RNF123: variants seen among roughly 807,000 people sequenced by gnomAD.
RNF123 encodes the protein E3 ubiquitin-protein ligase RNF123.
In RNF123, 86 loss-of-function variants were observed where a neutral mutation model predicts 168.5. The observed-to-expected ratio is 0.51, with a 90% CI of 0.43 to 0.61. The LOEUF (loss-of-function observed/expected upper bound fraction) is 0.61. Among genes scored for constraint, RNF123 ranks in the 20% least tolerant of loss-of-function variants. The pLI is 0.00. For synonymous variants in RNF123, 666 were observed against 689.1 expected, an observed-to-expected ratio of 0.97 and a Z score of 0.52; for missense variants, 1,419 against 1,729.7, an observed-to-expected ratio of 0.82 and a Z score of 3.19.
intron 38 of RNF123, 27 bp downstream of exon 38, chr3:49,721,132 G>A: frequency 1.2e-6 from 2 of 1,613,994 alleles, no homozygotes; most frequent in Non-Finnish European, 1.7e-6. Flanking sequence ...GCTTGGTGGT[G>A]GGGAGAGCAG....
intron 35 of RNF123, chr3:49,718,271 G>T: frequency 1.2e-6 from 2 of 1,612,914 alleles, no homozygotes; most frequent in Non-Finnish European, 1.7e-6. Context: ...AGGTAGAGCA[G>T]CACGAGCACA....
Position 49,705,029 on chromosome 3 carries a change from C to G in RNF123, c.2005C>G (p.Arg669Gly), listed in dbSNP as rs773303507. The change falls in exon 23 of 39, where the codon CGG becomes GGG. Residue 669 changes from arginine to glycine, a missense_variant. By Grantham distance (125) the Arg-to-Gly change is moderately radical. Around this residue, in one of 5 missense-constraint regions of RNF123, gnomAD observed 538 missense variants for 708.8 expected, o/e 0.76. Transcript: ENST00000327697. ...LAVGGPLPLP[R>G]PGWLSSPTLG... ...TGTTGGGGGGCCACTGCCCCTGCCC[C>G]GGCCCGGCTGGCTCAGTTCTCCAAC... The G allele has an allele frequency of 1.2e-6, 2 of 1,609,824 alleles. No homozygotes were observed. The highest frequency in any genetic ancestry group is 2.2e-5 in the South Asian group (2 of 90,436).
At chr3:49,714,441 G>A (rs886137224) in intron 31 of RNF123, among the ~76,000 whole-genome samples, 1 of 152,218 alleles carries the variant, frequency 6.6e-6, no homozygotes, top group African/African-American at 2.4e-5. Context: ...GTGGGTCATG[G>A]TGAGAGGCGG....
chr3:49,698,438 A>C lies in RNF123; in HGVS notation c.484-2A>C. 6.2e-7 allele frequency: 1 copy of C among 1,613,278 alleles called. No individual in the cohort carries two copies. The highest frequency in any genetic ancestry group is 8.5e-7 in the Non-Finnish European group (1 of 1,179,714). Reference sequence around the variant, plus strand: ...GGGACCTCATAGGCATTTCCTCCCTAGGAGGGGGTTGGAGATACACACAAC... The same window carrying C: ...GGGACCTCATAGGCATTTCCTCCCTCGGAGGGGGTTGGAGATACACACAAC... On this transcript the variant is annotated splice_acceptor_variant, in intron 7 of 38. Coordinates refer to ENST00000327697, the MANE Select transcript of RNF123 (RefSeq NM_022064.5). LOFTEE classifies it high-confidence loss of function.
At position 49,714,181 on chromosome 3, in the gene RNF123, A is replaced by G. The variant is rs2080196990; in HGVS notation, c.3010+7A>G. On this transcript the variant is annotated splice_region_variant and intron_variant, in intron 31 of 38. Coordinates refer to ENST00000327697, the MANE Select transcript of RNF123 (RefSeq NM_022064.5). ...AATTTGCCCAGCCTCCAGAGTGAGT[A>G]TCTGGGTTGGGCGAGTCCTGGGCAA... is the stretch of plus-strand genomic sequence containing the variant. 3 of 1,613,770 alleles carry G rather than the reference A, an allele frequency of 1.9e-6. No homozygotes were observed. The highest frequency in any genetic ancestry group is 1.7e-4 in the Middle Eastern group (1 of 6,042).
rs527838769 is a variant in RNF123 at position 49,698,390 on chromosome 3, C to G, written c.484-50C>G. 7 of 1,517,860 alleles carry G rather than the reference C, an allele frequency of 4.6e-6. No individual in the cohort carries two copies. In the East Asian group the frequency reaches 1.1e-4, roughly 24 times the overall value. The allele number at this position is 1,517,860 out of a possible 1,614,324, so 94.0% of individuals were successfully genotyped here. A position where few individuals can be genotyped will look rare whatever the true frequency, so the allele number is the denominator to read the frequency against. ...AAGGCTGGTGATTGGTGGGCTCTGGCCCAGACCCTGCCTGCCTCACCAGGG... is the reference window on the plus strand; with the variant it reads ...AAGGCTGGTGATTGGTGGGCTCTGGGCCAGACCCTGCCTGCCTCACCAGGG... On this transcript the variant is annotated intron_variant, in intron 7 of 38. Transcript: ENST00000327697.
At chr3:49,690,995 A>C in intron 1 of RNF123, 135 bp from the exon 2 acceptor site, 1 of 597,182 alleles carries the variant, frequency 1.7e-6, no homozygotes, top group Non-Finnish European at 3.0e-6. Context: ...GAGCCCCTGC[A>C]TTCCCCTGCC....
rs1270807813 is a variant in RNF123, at chr3:49,700,514, C to G, written c.1153C>G (p.Leu385Val). The change falls in exon 14 of 39, where the codon CTG becomes GTG. Residue 385 changes from leucine to valine, a missense_variant. Transcript: ENST00000327697. The stretch of plus-strand genomic sequence containing the variant: ...TTGCCTCAAGCAGTTGATGATGTCT[C>G]TGCTTCGGCTGTACCGATTCTCACC... ...QDCLKQLMMS[L>V]LRLYRFSPIV... 1 of 1,614,222 alleles carries G rather than the reference C, an allele frequency of 6.2e-7. No individual in the cohort carries two copies.
At chr3:49,708,712 A>G (rs762074807) in intron 26 of RNF123, among the ~76,000 whole-genome samples, 6 of 152,228 alleles carry the variant, frequency 3.9e-5, no homozygotes, top group Non-Finnish European at 7.3e-5. Flanking sequence ...CATTCGTGTT[A>G]TAGCATGTGT....
rs1166021410 is a variant in RNF123, at chr3:49,713,736, A to G, written c.2750-2A>G. 6.3e-7 allele frequency: 1 copy of G among 1,597,962 alleles called. No homozygotes were observed. The highest frequency in any genetic ancestry group is 8.5e-7 in the Non-Finnish European group (1 of 1,172,746). On this transcript the variant is annotated splice_acceptor_variant, in intron 28 of 38. Transcript: ENST00000327697. LOFTEE classifies it high-confidence loss of function. Reference sequence around the variant, plus strand: ...CTGCTGAGGCACGGTGTGTCCCCGCAGACATCCGAGACTCACTGATGCAGG... The same window carrying G: ...CTGCTGAGGCACGGTGTGTCCCCGCGGACATCCGAGACTCACTGATGCAGG...
Position 49,704,746 on chromosome 3 carries a change from C to T in RNF123, c.1949C>T (p.Ala650Val). The change falls in exon 22 of 39, where the codon GCT becomes GTT. Residue 650 changes from alanine (A) to valine (V), a missense_variant. This residue lies in a region of RNF123 where 538 missense variants were observed against 708.8 expected (regional missense o/e 0.76). Coordinates refer to ENST00000327697, the MANE Select transcript of RNF123 (RefSeq NM_022064.5). ...DLDEDEEPAP[A>V]MAQRPMQALA... Reference sequence around the variant, plus strand: ...GATGAGGATGAGGAGCCAGCCCCAGCTATGGCCCAGGTGCCGCAGTGGGGG... The same window carrying T: ...GATGAGGATGAGGAGCCAGCCCCAGTTATGGCCCAGGTGCCGCAGTGGGGG... 6.3e-7 allele frequency: 1 copy of T among 1,580,690 alleles called. No individual in the cohort carries two copies. Among genetic ancestry groups the T allele is most frequent in the Non-Finnish European group, 8.6e-7 (1 of 1,163,114 alleles).
At position 49,699,349 on chromosome 3, in the gene RNF123, A is replaced by G; in HGVS notation, c.765-119A>G. Reference sequence around the variant, plus strand: ...CCTCCCTAGGGAGAATAAGTGGGCAAGTTGTGATGCAAACCAGCCCTGCCC... The same window carrying G: ...CCTCCCTAGGGAGAATAAGTGGGCAGGTTGTGATGCAAACCAGCCCTGCCC... On this transcript the variant is annotated intron_variant, in intron 10 of 38. Transcript: ENST00000327697. This position sits in a 1 kb window ranked among gnomAD's most constrained non-coding sequence, Gnocchi z 4.8. 1.0e-6 allele frequency: 1 copy of G among 1,004,584 alleles called. No homozygotes were observed. Among genetic ancestry groups the G allele is most frequent in the Non-Finnish European group, 1.5e-6 (1 of 675,950 alleles). 62.2% of individuals were successfully genotyped at this position (1,004,584 alleles called of 1,614,324 possible).
intron 17 of RNF123, 77 bp downstream of exon 17, chr3:49,701,987 A>G: frequency 1.9e-6 from 3 of 1,547,740 alleles, no homozygotes; most frequent in South Asian, 2.3e-5. Context: ...GCCCATGTCT[A>G]GGTGGGACTT....
chr3:49,721,461 G>T lies in RNF123; in HGVS notation c.*156G>T. On this transcript the variant is annotated 3_prime_UTR_variant, in exon 39 of 39. Transcript: ENST00000327697. ...TCCTCATTGGTGGGAGCCCAGCCAT[G>T]GCCCTAATTGTGCCTGAGCTTGACT... is the stretch of plus-strand genomic sequence containing the variant. 9.6e-7 allele frequency: 1 copy of T among 1,037,750 alleles called. No homozygotes were observed. The highest frequency in any genetic ancestry group is 1.5e-6 in the Non-Finnish European group (1 of 661,338). 64.3% of individuals were successfully genotyped at this position (1,037,750 alleles called of 1,614,324 possible).
At chr3:49,717,803 A>T in intron 35 of RNF123, 1 of 838,318 alleles carries the variant, frequency 1.2e-6, no homozygotes, top group Non-Finnish European at 1.8e-6. Flanking sequence ...AGTGAGCGAG[A>T]AGGCCCATTG....
At chr3:49,717,644 C>A in intron 35 of RNF123, 1 of 484,646 alleles carries the variant, frequency 2.1e-6, no homozygotes. Context: ...GCCACAGGGG[C>A]CTGGGTCTCT....
At position 49,721,257 on chromosome 3, in the gene RNF123, G is replaced by A; in HGVS notation, c.3897G>A (p.Glu1299=). 1 of 1,614,218 alleles carries A rather than the reference G, an allele frequency of 6.2e-7. No homozygotes were observed. The highest frequency in any genetic ancestry group is 1.1e-5 in the South Asian group (1 of 91,078). The change falls in exon 39 of 39, where the codon GAG becomes GAA. Residue 1299 remains glutamate, a synonymous_variant. Coordinates refer to ENST00000327697, the MANE Select transcript of RNF123 (RefSeq NM_022064.5). ...GCAAAACCACCATCGTGTCTGTAGAGGACTGGGAGAAGGGAGCCAATACGA... is the reference window on the plus strand; with the variant it reads ...GCAAAACCACCATCGTGTCTGTAGAAGACTGGGAGAAGGGAGCCAATACGA... ...FFCKTTIVSV[E]DWEKGANTST... is the part of the protein sequence containing the mutation.
chr3:49,703,989 C>T (rs764836974), intron 21 of RNF123, among the ~76,000 whole-genome samples: 1 of 152,174 alleles, frequency 6.6e-6, no homozygotes, highest in Non-Finnish European at 1.5e-5. Flanking sequence ...AGATAAGGGC[C>T]TGCCCAGGTA....
intron 26 of RNF123, 117 bp downstream of exon 26, chr3:49,707,015 C>T (rs1575531686): frequency 5.3e-6 from 4 of 748,040 alleles, no homozygotes; most frequent in Non-Finnish European, 9.3e-6. Context: ...CACACATGTC[C>T]CTTCCCACAC....
Sources: allele counts gnomAD v4.1 joint callset (sites outside exome capture counted in the v4.1 genomes callset), GRCh38; gene constraint gnomAD v4.1.1; regional missense constraint gnomAD v4.1.1; non-coding constraint Gnocchi (gnomAD v3.1); transcripts MANE v1.5; gene names NCBI Gene and HGNC (gene_info 2026-07-23, HGNC 2026-07-21).